Variants in GALNT11 observed in about 807,000 individuals in gnomAD.
GALNT11 encodes polypeptide N-acetylgalactosaminyltransferase 11.
GALNT11 carries 47 observed loss-of-function variants against 72.7 expected under a neutral mutation model. The ratio of observed to expected loss-of-function variants is 0.65; its 90% CI spans 0.51 to 0.82. The LOEUF (loss-of-function observed/expected upper bound fraction) is 0.82, where lower values mean the gene tolerates loss of function less well. Among genes scored for constraint, GALNT11 ranks in the 40% least tolerant of loss-of-function variants. The probability of loss-of-function intolerance (pLI) is 0.00; values close to 1 mark genes in which losing one functional copy is unlikely to be tolerated. For synonymous variants in GALNT11, 270 were observed against 286.6 expected (o/e 0.94, Z 0.58); for missense variants, 677 against 778.4 (o/e 0.87, Z 1.55).
At position 152,108,299 on chromosome 7, in the gene GALNT11, C is replaced by T. The variant is rs767283433; in HGVS notation, c.962+12C>T. 6.3e-7 allele frequency: 1 copy of T among 1,593,148 alleles called. No individual in the cohort carries two copies. Among genetic ancestry groups the T allele is most frequent in the Non-Finnish European group, 8.6e-7 (1 of 1,163,780 alleles). ...ACTGCACCAATAAAGTAAGATCGCT[C>T]CTTTGTTTGACAAATTCCTACCAGT... On this transcript the variant is annotated intron_variant, in intron 6 of 11. Coordinates refer to ENST00000430044, the MANE Select transcript of GALNT11 (RefSeq NM_022087.4).
chr7:152,106,068 A>G (rs1024650958), intron 5 of GALNT11, among the ~76,000 whole-genome samples: 1 of 152,052 alleles, frequency 6.6e-6, no homozygotes, highest in Non-Finnish European at 1.5e-5. Context: ...CCTATGTGTA[A>G]TTGGTCTCCC....
intron 5 of GALNT11, chr7:152,107,125 A>G (rs976582085): frequency 2.0e-5 from 3 of 152,190 alleles, no homozygotes; most frequent in African/African-American, 7.2e-5. Context: ...TAAGTAGTTC[A>G]TGTAAAATCT....
At chr7:152,076,549 C>T (rs2084993422) in intron 1 of GALNT11, among the ~76,000 whole-genome samples, 1 of 152,162 alleles carries the variant, frequency 6.6e-6, no homozygotes, top group South Asian at 2.1e-4. Flanking sequence ...TGTGATTTTT[C>T]CACTGGGGGT....
At chr7:152,110,816 G>C (rs2088101850) in intron 7 of GALNT11, among the ~76,000 whole-genome samples, 171 bp downstream of exon 7, 1 of 151,080 alleles carries the variant, frequency 6.6e-6, no homozygotes, top group African/African-American at 2.4e-5. Context: ...CTGCAGCCTT[G>C]ACCTCCTGAG....
intron 1 of GALNT11, among the ~76,000 whole-genome samples, chr7:152,066,238 A>G (rs904103100): frequency 2.0e-5 from 3 of 151,674 alleles, no homozygotes; most frequent in Admixed American, 1.3e-4. Flanking sequence ...CCTCCGAGCC[A>G]GGCATGGGAT....
intron 1 of GALNT11, among the ~76,000 whole-genome samples, chr7:152,053,299 G>A (rs1487922447): frequency 6.6e-6 from 1 of 152,036 alleles, no homozygotes; most frequent in Non-Finnish European, 1.5e-5. Context: ...CCTGCTCCGT[G>A]ATCCATCTGT....
intron 1 of GALNT11, among the ~76,000 whole-genome samples, chr7:152,092,791 T>C (rs1667269716): frequency 6.6e-6 from 1 of 152,232 alleles, no homozygotes; most frequent in Admixed American, 6.5e-5. Flanking sequence ...AGTATCTCTG[T>C]GCAGTTTTCT....
At chr7:152,110,906 A>C (rs2088114278) in intron 7 of GALNT11, among the ~76,000 whole-genome samples, 1 of 151,880 alleles carries the variant, frequency 6.6e-6, no homozygotes, top group South Asian at 2.1e-4. Flanking sequence ...TTTTTTGTAG[A>C]GATGGGCGTC....
intron 1 of GALNT11, among the ~76,000 whole-genome samples, chr7:152,064,269 G>T (rs1468341038): frequency 1.3e-5 from 2 of 152,154 alleles, no homozygotes; most frequent in African/African-American, 4.8e-5. Context: ...CAGAGACTAG[G>T]ATTGCAACCC....
At chr7:152,035,586 C>T (rs550813413) in intron 1 of GALNT11, among the ~76,000 whole-genome samples, 3 of 152,288 alleles carry the variant, frequency 2.0e-5, no homozygotes, top group East Asian at 1.9e-4. Context: ...ACAGGAAAAG[C>T]GGAAAGCTGG....
At chr7:152,057,298 A>C (rs945490714) in intron 1 of GALNT11, among the ~76,000 whole-genome samples, 1 of 150,290 alleles carries the variant, frequency 6.7e-6, no homozygotes, top group Non-Finnish European at 1.5e-5. Flanking sequence ...CTCAGATATT[A>C]GATGATTTTT....
intron 1 of GALNT11, among the ~76,000 whole-genome samples, chr7:152,053,071 C>T (rs755083788): frequency 1.3e-5 from 2 of 152,172 alleles, no homozygotes; most frequent in Admixed American, 1.3e-4. Context: ...GCTATGAGAG[C>T]GTCTTTCTTG....
chr7:152,027,020 C>T (rs995116588), intron 1 of GALNT11, among the ~76,000 whole-genome samples: 75 of 152,278 alleles, frequency 4.9e-4, no homozygotes, highest in African/African-American at 1.7e-3. Flanking sequence ...AAGGCCAAGG[C>T]GAGCGGATCA....
Position 152,072,009 on chromosome 7 carries a change from C to CAAA in GALNT11, c.-38-22162_-38-22160dup, listed in dbSNP as rs11366450. 4.6e-4 allele frequency among the ~76,000 whole-genome samples: 31 copies of CAAA among 67,010 alleles called. No individual in the cohort carries two copies. In the East Asian group the frequency reaches 0.011, roughly 24 times the overall value. 44.0% of individuals were successfully genotyped at this position (67,010 alleles called of 152,430 possible). On this transcript the variant is annotated intron_variant, in intron 1 of 11. Transcript: ENST00000430044. The stretch of plus-strand genomic sequence containing the variant: ...GGGCAGCAAGAGCAAAACTCTGTCT[C>CAAA]AAAAAAAAAAAAAAAAAAAAAGTTT...
intron 1 of GALNT11, among the ~76,000 whole-genome samples, chr7:152,079,605 C>G (rs1366613767): frequency 6.6e-6 from 1 of 152,208 alleles, no homozygotes; most frequent in Admixed American, 6.5e-5. Flanking sequence ...GAGGATCATT[C>G]CCAGGGAGCA....
rs776670404 is a variant in GALNT11, at chr7:152,103,233, C to T, written c.541C>T (p.His181Tyr). The T allele has an allele frequency of 1.9e-6, 3 of 1,613,644 alleles. No individual in the cohort carries two copies. The highest frequency in any genetic ancestry group is 3.3e-5 in the Admixed American group (2 of 60,000). ...VHSVIDRTPA[H>Y]LLHEIILVDD... The stretch of plus-strand genomic sequence containing the variant: ...CAGTGTCATAGACCGCACGCCAGCA[C>T]ACCTGCTTCATGAGATCATCCTTGT... The change falls in exon 4 of 12, where the codon CAC (histidine) becomes TAC (tyrosine). Residue 181 changes from histidine (H) to tyrosine (Y), a missense_variant. Transcript: ENST00000430044.
At chr7:152,113,712 CTTTTTTTTTTTTTTTTTTTTT>C (rs6150397) in intron 8 of GALNT11, among the ~76,000 whole-genome samples, 96 of 97,024 alleles carry the variant, frequency 9.9e-4, no homozygotes, top group African/African-American at 2.2e-3. Flanking sequence ...AGTTGGCTTT[CTTTTTTTTTTTTTTTTTTTTT>C]TTTTTTTTTT....
rs373882148 is a variant in GALNT11 at position 152,118,801 on chromosome 7, C to T, written c.1557+19C>T. 3 of 1,588,154 alleles carry T rather than the reference C, an allele frequency of 1.9e-6. No individual in the cohort carries two copies. Among genetic ancestry groups the T allele is most frequent in the African/African-American group, 2.7e-5 (2 of 73,402 alleles). ...AAATCAGGTGAGTGACACCTCGGGG[C>T]TCACAGCCAGTGTCCGCAAGGAGGC... On this transcript the variant is annotated intron_variant, in intron 10 of 11. Coordinates refer to ENST00000430044, the MANE Select transcript of GALNT11 (RefSeq NM_022087.4).
chr7:152,101,653 G>T (rs2086914168), intron 3 of GALNT11, among the ~76,000 whole-genome samples: 1 of 142,888 alleles, frequency 7.0e-6, no homozygotes, highest in Admixed American at 6.9e-5. Context: ...GGGGGGGGGG[G>T]GATGGAGTCT....
Sources: gnomAD v4.1 joint callset for allele counts (sites outside exome capture counted in the v4.1 genomes callset) on GRCh38, gnomAD v4.1.1 for gene constraint, MANE v1.5 for transcripts, NCBI Gene and HGNC (gene_info 2026-07-23, HGNC 2026-07-21) for gene names.